Variants in CTNNA2 observed in about 807,000 individuals in gnomAD.
CTNNA2 encodes the protein catenin alpha 2, also known as catenin alpha-2.
In CTNNA2, 42 loss-of-function variants were observed where a neutral mutation model predicts 101.0. The ratio of observed to expected loss-of-function variants is 0.42; its 90% CI spans 0.32 to 0.54. The LOEUF (loss-of-function observed/expected upper bound fraction) is 0.54. Ranked by LOEUF, CTNNA2 falls within the 20% of genes least tolerant of loss-of-function variation. The pLI is 0.14. For missense variants in CTNNA2, 871 were observed against 1,223.1 expected, an observed-to-expected ratio of 0.71 and a Z score of 4.29; for synonymous variants, 450 against 456.4, an observed-to-expected ratio of 0.99 and a Z score of 0.18.
chr2:79,764,820 GT>G (rs1398241268), intron 3 of CTNNA2, among the ~76,000 whole-genome samples: 2 of 152,218 alleles, frequency 1.3e-5, no homozygotes, highest in Non-Finnish European at 2.9e-5. Flanking sequence ...GGCCCAGGGA[GT>G]AAGGGCATGA....
chr2:80,411,477 C>G (rs1201152993), intron 8 of CTNNA2, among the ~76,000 whole-genome samples: 1 of 152,118 alleles, frequency 6.6e-6, no homozygotes, highest in Non-Finnish European at 1.5e-5. Context: ...AGGGGCTCTT[C>G]TTCTTTTTGG....
upstream of CTNNA2, among the ~76,000 whole-genome samples, chr2:79,512,340 G>C (rs1301208898): frequency 1.3e-5 from 2 of 152,042 alleles, no homozygotes; most frequent in African/African-American, 4.8e-5. Flanking sequence ...TTCAACAAAG[G>C]CTTGTTAAAT....
At chr2:79,786,340 A>G (rs1674845691) in intron 3 of CTNNA2, among the ~76,000 whole-genome samples, 1 of 152,092 alleles carries the variant, frequency 6.6e-6, no homozygotes, top group Admixed American at 6.6e-5. Context: ...CAGCTGATAA[A>G]TTTTCCAATA....
At chr2:79,729,119 C>G (rs1687046104) in intron 2 of CTNNA2, among the ~76,000 whole-genome samples, 3 of 152,208 alleles carry the variant, frequency 2.0e-5, no homozygotes, top group Admixed American at 2.0e-4. Flanking sequence ...TAATTTATAG[C>G]TGACAAAAAT....
At chr2:80,539,988 A>G (rs1691404987) in intron 9 of CTNNA2, among the ~76,000 whole-genome samples, 1 of 152,202 alleles carries the variant, frequency 6.6e-6, no homozygotes, top group South Asian at 2.1e-4. Context: ...AGTATATCCC[A>G]TAAACATTTC....
intron 14 of CTNNA2, among the ~76,000 whole-genome samples, chr2:80,582,633 T>C (rs1405849688): frequency 6.6e-6 from 1 of 152,146 alleles, no homozygotes; most frequent in East Asian, 1.9e-4. Flanking sequence ...AGAGACTGCA[T>C]AGGACGATGA....
chr2:80,527,336 G>A (rs1690131559), intron 9 of CTNNA2, among the ~76,000 whole-genome samples: 1 of 152,212 alleles, frequency 6.6e-6, no homozygotes, highest in Admixed American at 6.5e-5. Flanking sequence ...AGGCCTGTGA[G>A]TCTCAGACTT....
At chr2:80,528,043 CA>C (rs1487402433) in intron 9 of CTNNA2, among the ~76,000 whole-genome samples, 2 of 152,140 alleles carry the variant, frequency 1.3e-5, no homozygotes, top group Non-Finnish European at 2.9e-5. Context: ...CTCCATTTTG[CA>C]GCAAATTAGC....
chr2:80,139,596 T>A (rs973450280), intron 7 of CTNNA2, among the ~76,000 whole-genome samples: 6 of 152,026 alleles, frequency 3.9e-5, no homozygotes, highest in Admixed American at 1.3e-4. Context: ...GATACACACA[T>A]CAATACATAA....
intron 7 of CTNNA2, among the ~76,000 whole-genome samples, chr2:80,297,774 T>C (rs1356598918): frequency 6.6e-6 from 1 of 152,122 alleles, no homozygotes; most frequent in Non-Finnish European, 1.5e-5. Context: ...AGCCCAGAAG[T>C]TCCCCAGCCT....
At chr2:79,350,506 A>G (rs191172104) in intron 3 of CTNNA2, among the ~76,000 whole-genome samples, 95 of 152,264 alleles carry the variant, frequency 6.2e-4, no homozygotes, top group African/African-American at 2.2e-3. Context: ...TGATATATAT[A>G]TGCCACATTT....
At chr2:80,183,954 A>C (rs982294466) in intron 7 of CTNNA2, among the ~76,000 whole-genome samples, 1 of 152,090 alleles carries the variant, frequency 6.6e-6, no homozygotes, top group South Asian at 2.1e-4. Context: ...AAATCATAAC[A>C]AGTCATCAAC....
intron 3 of CTNNA2, among the ~76,000 whole-genome samples, chr2:79,318,232 G>T (rs1013930550): frequency 6.6e-6 from 1 of 152,034 alleles, no homozygotes; most frequent in Admixed American, 6.6e-5. Context: ...GTATTGTCAT[G>T]TCCAGATATT....
chr2:79,752,076 T>A (rs944405766), intron 3 of CTNNA2, among the ~76,000 whole-genome samples: 4 of 152,086 alleles, frequency 2.6e-5, no homozygotes, highest in African/African-American at 7.2e-5. Context: ...GTGTACGGGT[T>A]TGATTTTAAA....
At chr2:79,350,934 T>C (rs187522878) in intron 3 of CTNNA2, among the ~76,000 whole-genome samples, 2 of 152,354 alleles carry the variant, frequency 1.3e-5, no homozygotes, top group Admixed American at 6.5e-5. Flanking sequence ...CTTGTATGTC[T>C]TCTTTTGAGA....
intron 17 of CTNNA2, chr2:80,618,664 C>T (rs918966443): frequency 9.2e-5 from 14 of 152,924 alleles, no homozygotes; most frequent in South Asian, 2.1e-4. Flanking sequence ...CACAGCAGGG[C>T]GATGGAACTT....
intron 5 of CTNNA2, among the ~76,000 whole-genome samples, chr2:79,505,875 C>A (rs17017222): frequency 6.6e-6 from 1 of 152,052 alleles, no homozygotes; most frequent in Non-Finnish European, 1.5e-5. Context: ...GTGTCTTTTA[C>A]CTAAATAATC....
intron 6 of CTNNA2, among the ~76,000 whole-genome samples, chr2:79,891,187 A>G (rs969611618): frequency 2.6e-5 from 4 of 152,026 alleles, no homozygotes; most frequent in African/African-American, 9.7e-5. Context: ...AAATGAATTT[A>G]TAGTTGGGAG....
At chr2:79,862,235 AC>A (rs1681680694) in intron 4 of CTNNA2, among the ~76,000 whole-genome samples, 1 of 152,210 alleles carries the variant, frequency 6.6e-6, no homozygotes, top group Admixed American at 6.5e-5. Context: ...ATAGCAAGAT[AC>A]AAAATAGCAA....
Sources: gnomAD v4.1 joint callset for allele counts (sites outside exome capture counted in the v4.1 genomes callset) on GRCh38, gnomAD v4.1.1 for gene constraint, MANE v1.5 for transcripts, NCBI Gene and HGNC (gene_info 2026-07-23, HGNC 2026-07-21) for gene names.